Variants in SSUH2 observed in about 807,000 individuals in gnomAD.
The protein encoded by SSUH2 is protein SSUH2 homolog.
SSUH2 carries 47 observed loss-of-function variants against 55.3 expected under a neutral mutation model. The ratio of observed to expected loss-of-function variants is 0.85; its 90% CI spans 0.67 to 1.08. The LOEUF (loss-of-function observed/expected upper bound fraction) is 1.08, where lower values mean the gene tolerates loss of function less well. Ranked by LOEUF, SSUH2 falls within the 50% of genes least tolerant of loss-of-function variation. SSUH2 has a pLI of 0.00. For missense variants in SSUH2, 535 were observed against 490.7 expected (o/e 1.09, Z -0.85); for synonymous variants, 212 against 191.5 (o/e 1.11, Z -0.89).
chr3:8,667,303 CCATTCATAAACTGT>C (rs1185704399), intron 5 of SSUH2, among the ~76,000 whole-genome samples: 2 of 152,194 alleles, frequency 1.3e-5, no homozygotes, highest in African/African-American at 4.8e-5. Flanking sequence ...CATTGCCATG[CCATTCATAAACTGT>C]CATGGTGCTG....
chr3:8,663,266 C>T (rs1703673059), intron 6 of SSUH2, among the ~76,000 whole-genome samples: 1 of 152,256 alleles, frequency 6.6e-6, no homozygotes, highest in African/African-American at 2.4e-5. Context: ...TCTCAGATGT[C>T]TGACCGACCC....
intron 1 of SSUH2, among the ~76,000 whole-genome samples, chr3:8,638,965 T>C (rs1198195853): frequency 6.6e-6 from 1 of 152,150 alleles, no homozygotes; most frequent in Non-Finnish European, 1.5e-5. Flanking sequence ...TGGGGAAGAA[T>C]GAGAGGTGGG....
intron 10 of SSUH2, among the ~76,000 whole-genome samples, chr3:8,624,122 G>T (rs1697032075): frequency 6.6e-6 from 1 of 151,410 alleles, no homozygotes; most frequent in South Asian, 2.1e-4. Flanking sequence ...TCCGGGCACT[G>T]GGGCATCTCC....
chr3:8,673,883 TC>T (rs1704906591), intron 3 of SSUH2, among the ~76,000 whole-genome samples: 1 of 152,158 alleles, frequency 6.6e-6, no homozygotes, highest in South Asian at 2.1e-4. Flanking sequence ...CTGAGGTCAT[TC>T]AGGGAAAAGA....
chr3:8,661,858 C>T (rs978642874), intron 6 of SSUH2, among the ~76,000 whole-genome samples: 1 of 152,066 alleles, frequency 6.6e-6, no homozygotes, highest in African/African-American at 2.4e-5. Context: ...TGGGAGGGAC[C>T]CAGTGGGAGA....
At chr3:8,620,773 G>A (rs761551103) in intron 11 of SSUH2, among the ~76,000 whole-genome samples, 19 of 152,212 alleles carry the variant, frequency 1.2e-4, no homozygotes, top group African/African-American at 1.9e-4. Context: ...TTAAACATGT[G>A]TGTATTAAAA....
chr3:8,641,732 G>A (rs1160573986), intron 1 of SSUH2, among the ~76,000 whole-genome samples: 1 of 152,238 alleles, frequency 6.6e-6, no homozygotes, highest in Non-Finnish European at 1.5e-5. Context: ...GAAAAACACT[G>A]AGATCCCCCG....
chr3:8,658,434 ACTGTTTG>A (rs1166340732), intron 7 of SSUH2, among the ~76,000 whole-genome samples: 12 of 152,214 alleles, frequency 7.9e-5, no homozygotes, highest in Non-Finnish European at 1.6e-4. Context: ...AAGGGGCAGG[ACTGTTTG>A]CTTTCCACTT....
chr3:8,635,468 G>A (rs912830764), intron 2 of SSUH2, 87 bp from the exon 3 acceptor site: 1 of 1,010,200 alleles, frequency 9.9e-7, no homozygotes, highest in Non-Finnish European at 1.5e-6. Flanking sequence ...CTGATTGAAT[G>A]TGAGAAAGAA....
chr3:8,674,611 C>A (rs112462201), intron 3 of SSUH2, among the ~76,000 whole-genome samples: 1 of 152,092 alleles, frequency 6.6e-6, no homozygotes, highest in Admixed American at 6.5e-5. Context: ...TTGCCTCGGA[C>A]TTGTACTGTA....
intron 3 of SSUH2, 71 bp downstream of exon 3, chr3:8,635,229 G>A: frequency 2.3e-6 from 3 of 1,330,590 alleles, no homozygotes; most frequent in East Asian, 5.1e-5. Flanking sequence ...GCACTGCCAG[G>A]GCTGAGATCC....
rs542245369 is a variant in SSUH2, at chr3:8,678,794, A to AT, written c.-901+910_-901+911insA. On this transcript the variant is annotated intron_variant, in intron 2 of 18. Transcript: ENST00000317371. ...CCCTCTTCCCTCCCTGCCACTTAGG[A>AT]CCCCATCGCAGGGAGAGGAGGCGGC... Among the ~76,000 whole-genome samples the AT allele has an allele frequency of 1.3e-4, 14 of 106,078 alleles. 1 individual carries two copies. Among genetic ancestry groups the AT allele is most frequent in the African/African-American group, 4.6e-4 (14 of 30,638 alleles). The allele number at this position is 106,078 out of a possible 152,430, so 69.6% of individuals were successfully genotyped here.
At chr3:8,628,216 G>A (rs759806085) in intron 7 of SSUH2, among the ~76,000 whole-genome samples, 3 of 152,088 alleles carry the variant, frequency 2.0e-5, no homozygotes, top group African/African-American at 4.8e-5. Context: ...GAAGACCACC[G>A]CTGGGACCCA....
intron 3 of SSUH2, 160 bp from the exon 4 acceptor site, chr3:8,633,955 C>A (rs759228057): frequency 1.2e-6 from 2 of 1,613,198 alleles, no homozygotes; most frequent in Admixed American, 3.3e-5. Flanking sequence ...CAAAGGGGAC[C>A]ATGTGAACGG....
At chr3:8,620,162 C>T (rs991047551) in intron 11 of SSUH2, 148 bp from the exon 12 acceptor site, 2 of 769,714 alleles carry the variant, frequency 2.6e-6, no homozygotes, top group African/African-American at 1.8e-5. Flanking sequence ...TGTGTTCCCA[C>T]CCAAATCTCA....
At position 8,680,995 on chromosome 3, in the gene SSUH2, C is replaced by T. The variant is rs1331209093; in HGVS notation, c.-1046+896G>A. Among the ~76,000 whole-genome samples, 6 of 150,762 alleles carry T rather than the reference C, an allele frequency of 4.0e-5. 2 individuals are homozygous for T. Among genetic ancestry groups the T allele is most frequent in the Non-Finnish European group, 7.4e-5 (5 of 67,302 alleles). On this transcript the variant is annotated intron_variant, in intron 1 of 18. Coordinates refer to the SSUH2 transcript ENST00000317371. The stretch of plus-strand genomic sequence containing the variant: ...TCTTCCCTCCCTGGCTCTTAGGACC[C>T]CCATCGCAGTGGGGGAGGCAACCTC...
chr3:8,648,547 C>G (rs1702000774), upstream of SSUH2, among the ~76,000 whole-genome samples: 1 of 151,900 alleles, frequency 6.6e-6, no homozygotes, highest in African/African-American at 2.4e-5. Flanking sequence ...GACAGCAAAG[C>G]CACACTTTAG....
chr3:8,653,203 C>G (rs1490341248), intron 7 of SSUH2, among the ~76,000 whole-genome samples: 1 of 152,226 alleles, frequency 6.6e-6, no homozygotes, highest in Non-Finnish European at 1.5e-5. Context: ...AATCACAGAC[C>G]TCAGAGCAAG....
intron 6 of SSUH2, among the ~76,000 whole-genome samples, chr3:8,663,492 C>T (rs62244195): frequency 0.046 from 6,918 of 151,678 alleles, 185 homozygotes; most frequent in Middle Eastern, 0.068. Context: ...AAACACAAAG[C>T]GACAGAAAAA....
Sources: allele counts gnomAD v4.1 joint callset (sites outside exome capture counted in the v4.1 genomes callset), GRCh38; gene constraint gnomAD v4.1.1; transcripts MANE v1.5; gene names NCBI Gene and HGNC (gene_info 2026-07-23, HGNC 2026-07-21).